Variants in CEP57L1 observed in about 807,000 individuals in gnomAD.
CEP57L1 encodes centrosomal protein 57 like 1.
A neutral mutation model predicts 61.0 loss-of-function variants in CEP57L1; 37 were observed. The ratio of observed to expected loss-of-function variants is 0.61; its 90% confidence interval spans 0.47 to 0.80. The LOEUF (loss-of-function observed/expected upper bound fraction) is 0.80. Ranked by LOEUF, CEP57L1 falls within the 30% of genes least tolerant of loss-of-function variation. CEP57L1 has a pLI of 0.00. For synonymous variants in CEP57L1, 137 were observed against 162.3 expected (o/e 0.84, Z 1.19); for missense variants, 422 against 524.7 (o/e 0.80, Z 1.91).
At chr6:109,124,174 G>A (rs980271898) in intron 1 of CEP57L1, among the ~76,000 whole-genome samples, 8 of 152,020 alleles carry the variant, frequency 5.3e-5, no homozygotes, top group Admixed American at 1.3e-4. Flanking sequence ...TGTTTCTGTC[G>A]TTCTTACTTC....
intron 1 of CEP57L1, among the ~76,000 whole-genome samples, chr6:109,100,581 A>G (rs1302823661): frequency 1.3e-5 from 2 of 148,990 alleles, no homozygotes; most frequent in Admixed American, 6.7e-5. Context: ...AGGCTGAGGC[A>G]GGAGAATCGC....
At chr6:109,108,512 G>A (rs1240308421) in intron 1 of CEP57L1, among the ~76,000 whole-genome samples, 1 of 151,946 alleles carries the variant, frequency 6.6e-6, no homozygotes, top group Admixed American at 6.6e-5. Context: ...ACCACAGCCA[G>A]CCCCATTTTT....
intron 1 of CEP57L1, among the ~76,000 whole-genome samples, chr6:109,111,332 T>C (rs1771590190): frequency 2.0e-5 from 3 of 152,056 alleles, no homozygotes; most frequent in Admixed American, 2.0e-4. Context: ...CTGTCTGTTA[T>C]TGGTTTATAA....
chr6:109,146,626 G>A (rs1771988223), intron 2 of CEP57L1, 132 bp from the exon 3 acceptor site: 1 of 570,930 alleles, frequency 1.8e-6, no homozygotes, highest in Non-Finnish European at 3.0e-6. Context: ...TTCATTTTTT[G>A]AAGAATATGC....
rs1051353026 is a variant in CEP57L1 at position 109,168,843 on chromosome 6, G to A, written c.*5873G>A. On this transcript the variant is annotated 3_prime_UTR_variant, in exon 11 of 11. Transcript: ENST00000517392. ...ACTCCTGAGCTCAGGCAATCTGCCC[G>A]CCTCAGTGTCCCAAAGTGCTGGGAT... 1.2e-4 allele frequency among the ~76,000 whole-genome samples: 17 copies of A among 146,268 alleles called. No homozygotes were observed. The highest frequency in any genetic ancestry group is 6.3e-4 in the East Asian group (3 of 4,780).
At chr6:109,101,062 G>A (rs747924298) in intron 1 of CEP57L1, among the ~76,000 whole-genome samples, 3 of 152,140 alleles carry the variant, frequency 2.0e-5, no homozygotes, top group Non-Finnish European at 4.4e-5. Context: ...AGCCAAGATC[G>A]CACCACTGCA....
intron 1 of CEP57L1, among the ~76,000 whole-genome samples, chr6:109,118,202 A>C (rs1032949391): frequency 3.5e-4 from 54 of 152,152 alleles, no homozygotes; most frequent in African/African-American, 1.2e-3. Flanking sequence ...ACTCCAGCTA[A>C]TTTTTTGTAT....
chr6:109,155,088 G>A, intron 5 of CEP57L1, 142 bp from the exon 6 acceptor site: 1 of 431,182 alleles, frequency 2.3e-6, no homozygotes, highest in Non-Finnish European at 4.2e-6. Context: ...TTAACATCTT[G>A]TGCCATTCCT....
intron 1 of CEP57L1, among the ~76,000 whole-genome samples, chr6:109,098,957 A>G (rs1562488845): frequency 6.6e-6 from 1 of 152,250 alleles, no homozygotes; most frequent in Non-Finnish European, 1.5e-5. Flanking sequence ...GTGTGAGAGT[A>G]AGAGTCAAAA....
intron 3 of CEP57L1, among the ~76,000 whole-genome samples, chr6:109,148,388 G>C (rs1363447149): frequency 2.6e-5 from 4 of 151,958 alleles, no homozygotes; most frequent in African/African-American, 9.7e-5. Context: ...TTGTCCTTGC[G>C]ATAGTTTACT....
chr6:109,143,940 C>T (rs191630741), intron 1 of CEP57L1, among the ~76,000 whole-genome samples: 4 of 152,234 alleles, frequency 2.6e-5, no homozygotes, highest in Admixed American at 2.6e-4. Flanking sequence ...GCCTTACCTC[C>T]ACTTTATAGT....
intron 3 of CEP57L1, among the ~76,000 whole-genome samples, 182 bp from the exon 4 acceptor site, chr6:109,149,936 A>G (rs983145134): frequency 5.9e-5 from 9 of 152,106 alleles, no homozygotes; most frequent in South Asian, 2.1e-4. Context: ...TTATTGGTGT[A>G]TAAGAATGCT....
At chr6:109,112,015 G>T (rs1157416223) in intron 1 of CEP57L1, among the ~76,000 whole-genome samples, 1 of 152,188 alleles carries the variant, frequency 6.6e-6, no homozygotes, top group African/African-American at 2.4e-5. Context: ...CCAGGTTTTG[G>T]TATCAGGATG....
intron 6 of CEP57L1, among the ~76,000 whole-genome samples, 200 bp downstream of exon 6, chr6:109,155,507 C>T (rs1210333039): frequency 6.6e-6 from 1 of 151,838 alleles, no homozygotes; most frequent in African/African-American, 2.4e-5. Context: ...TTTTGAAATT[C>T]TGACAAATAC....
chr6:109,159,141 C>A (rs778136459), intron 8 of CEP57L1, 39 bp downstream of exon 8: 1 of 1,613,766 alleles, frequency 6.2e-7, no homozygotes, highest in African/African-American at 1.3e-5. Context: ...TTCAAAAAAA[C>A]TCCTGTTTTG....
At chr6:109,156,325 A>G (rs1008043047) in intron 7 of CEP57L1, 1 of 152,208 alleles carries the variant, frequency 6.6e-6, no homozygotes, top group Non-Finnish European at 1.5e-5. Flanking sequence ...TATGTAATAT[A>G]TAGACAATAA....
At chr6:109,099,548 A>T (rs376998305) in intron 1 of CEP57L1, among the ~76,000 whole-genome samples, 414 of 149,666 alleles carry the variant, frequency 2.8e-3, no homozygotes, top group African/African-American at 5.5e-3. Context: ...ATTTATTTTT[A>T]TTTATTTATT....
Position 109,171,885 on chromosome 6 carries a change from G to C in CEP57L1, c.*8915G>C, listed in dbSNP as rs1456736861. Among the ~76,000 whole-genome samples the C allele has an allele frequency of 6.6e-6, 1 of 151,968 alleles. No homozygotes were observed. Among genetic ancestry groups the C allele is most frequent in the Non-Finnish European group, 1.5e-5 (1 of 68,004 alleles). On this transcript the variant is annotated 3_prime_UTR_variant, in exon 11 of 11. Coordinates refer to ENST00000517392, the MANE Select transcript of CEP57L1 (RefSeq NM_001271852.3). ...TAGTAATTTACAGGAAAGGCTCAAG[G>C]TTTCATTTACATGGGAAATGAGAAC...
At chr6:109,153,567 T>C (rs1772890735) in intron 4 of CEP57L1, among the ~76,000 whole-genome samples, 1 of 151,872 alleles carries the variant, frequency 6.6e-6, no homozygotes, top group African/African-American at 2.4e-5. Context: ...TTATATTTGC[T>C]CCTTAAAAGT....
Sources: allele counts gnomAD v4.1 joint callset (sites outside exome capture counted in the v4.1 genomes callset), GRCh38; gene constraint gnomAD v4.1.1; transcripts MANE v1.5; gene names NCBI Gene and HGNC (gene_info 2026-07-23, HGNC 2026-07-21).